PGAM5: variants seen among roughly 807,000 people sequenced by gnomAD.
The protein encoded by PGAM5 is serine/threonine-protein phosphatase PGAM5, mitochondrial.
A neutral mutation model predicts 30.6 loss-of-function variants in PGAM5; 25 were observed. The ratio of observed to expected loss-of-function variants is 0.82; its 90% CI spans 0.60 to 1.14. The LOEUF (loss-of-function observed/expected upper bound fraction) is 1.14. Among genes scored for constraint, PGAM5 ranks in the 50% most tolerant of loss-of-function variants. The probability of loss-of-function intolerance (pLI) is 0.00; values close to 1 mark genes in which losing one functional copy is unlikely to be tolerated. For missense variants in PGAM5, 384 were observed against 408.5 expected, an observed-to-expected ratio of 0.94 and a Z score of 0.52; for synonymous variants, 201 against 179.1, an observed-to-expected ratio of 1.12 and a Z score of -0.98.
At position 132,718,263 on chromosome 12, in the gene PGAM5, G is replaced by A. The variant is rs559455164; in HGVS notation, c.719+143G>A. 49 of 1,080,696 alleles carry A rather than the reference G, an allele frequency of 4.5e-5. No individual in the cohort carries two copies. The South Asian group carries it at 5.2e-4, about 12-fold the overall frequency. 66.9% of individuals were successfully genotyped at this position (1,080,696 alleles called of 1,614,324 possible). ...CAGCCCCCGGGCGTCCACTTCCCGC[G>A]AGTCCTAGTCAGTTACGCGGTAGGT... is the stretch of plus-strand genomic sequence containing the variant. On this transcript the variant is annotated intron_variant, in intron 5 of 5. Transcript: ENST00000498926.
At position 132,721,823 on chromosome 12, in the gene PGAM5, G is replaced by A. The variant is rs76891258; in HGVS notation, c.*995G>A. 8,797 of 152,194 alleles carry A rather than the reference G, an allele frequency of 0.058. 341 individuals carry two copies. Among genetic ancestry groups the A allele is most frequent in the East Asian group, 0.11 (560 of 5,160 alleles). 9.4% of individuals were successfully genotyped at this position (152,194 alleles called of 1,614,324 possible). On this transcript the variant is annotated 3_prime_UTR_variant, in exon 6 of 6. Coordinates refer to ENST00000498926, the MANE Select transcript of PGAM5 (RefSeq NM_001170543.2). ...ATATAGAATTGTTCAGGCTGGTCTC[G>A]AACTCCCAACCTCAGGTGATTCACC...
At position 132,720,911 on chromosome 12, in the gene PGAM5, A is replaced by G; in HGVS notation, c.*83A>G. 1.4e-6 allele frequency: 2 copies of G among 1,434,118 alleles called. No individual in the cohort carries two copies. The highest frequency in any genetic ancestry group is 1.8e-6 in the Non-Finnish European group (2 of 1,082,006). The allele number at this position is 1,434,118 out of a possible 1,614,324, so 88.8% of individuals were successfully genotyped here. ...TTTGTTCCCAAGGAGACCGGCGGAAAGTAGAAACCTGCAATGCTGCATCTG... is the reference window on the plus strand; with the variant it reads ...TTTGTTCCCAAGGAGACCGGCGGAAGGTAGAAACCTGCAATGCTGCATCTG... On this transcript the variant is annotated 3_prime_UTR_variant, in exon 6 of 6. Transcript: ENST00000498926.
intron 3 of PGAM5, 65 bp from the exon 4 acceptor site, chr12:132,717,641 CACCG>C (rs1260867308): frequency 1.3e-6 from 2 of 1,590,074 alleles, no homozygotes; most frequent in African/African-American, 2.7e-5. Flanking sequence ...AGCTCCTGGC[CACCG>C]GGAGGTCACA....
intron 5 of PGAM5, among the ~76,000 whole-genome samples, chr12:132,720,015 T>C (rs1184903263): frequency 6.6e-6 from 1 of 151,360 alleles, no homozygotes; most frequent in Non-Finnish European, 1.5e-5. Context: ...AAGTCAGCGT[T>C]GTTCTGATCT....
At chr12:132,717,900 C>A in intron 4 of PGAM5, 87 bp from the exon 5 acceptor site, 2 of 1,599,060 alleles carry the variant, frequency 1.3e-6, no homozygotes, top group Non-Finnish European at 1.7e-6. Context: ...GTCCCACGGG[C>A]TTCCCCGGGC....
At chr12:132,713,456 A>G (rs922911574) in intron 1 of PGAM5, among the ~76,000 whole-genome samples, 1 of 152,022 alleles carries the variant, frequency 6.6e-6, no homozygotes, top group East Asian at 1.9e-4. Flanking sequence ...CTCTGTGCCT[A>G]TAGCTCCCAA....
chr12:132,712,061 C>T (rs2043528021), intron 1 of PGAM5, among the ~76,000 whole-genome samples: 1 of 152,102 alleles, frequency 6.6e-6, no homozygotes, highest in South Asian at 2.1e-4. Context: ...GCGTTAGGTA[C>T]TTTATATTAG....
chr12:132,717,667 G>T (rs375535548), intron 3 of PGAM5, 43 bp from the exon 4 acceptor site: 53 of 1,566,750 alleles, frequency 3.4e-5, no homozygotes, highest in Non-Finnish European at 4.4e-5. Context: ...CATCTCCGCC[G>T]GCGGGGCCGC....
chr12:132,717,408 G>A, intron 2 of PGAM5, 31 bp from the exon 3 acceptor site: 1 of 1,600,136 alleles, frequency 6.2e-7, no homozygotes, highest in Non-Finnish European at 8.5e-7. Flanking sequence ...GGGGGTGCAG[G>A]TGCGGCACTC....
chr12:132,718,093 C>T lies in PGAM5; in HGVS notation c.692C>T (p.Ala231Val). 2 of 1,612,758 alleles carry T rather than the reference C, an allele frequency of 1.2e-6. No individual in the cohort carries two copies. Among genetic ancestry groups the T allele is most frequent in the East Asian group, 2.2e-5 (1 of 44,810 alleles). The change falls in exon 5 of 6, where the codon GCC (alanine) becomes GTC (valine). Residue 231 changes from alanine (A) to valine (V), a missense_variant. Transcript: ENST00000498926. Reference protein sequence around the residue: ...EDSYEIFICHANVIRYIVCRA... With the variant: ...EDSYEIFICHVNVIRYIVCRA... ...AGTTACGAGATCTTCATCTGTCACG[C>T]CAACGTCATCCGCTACATCGTGTGC... is the stretch of plus-strand genomic sequence containing the variant.
intron 1 of PGAM5, among the ~76,000 whole-genome samples, chr12:132,711,884 G>C (rs1163575718): frequency 6.6e-6 from 1 of 152,142 alleles, no homozygotes; most frequent in East Asian, 1.9e-4. Flanking sequence ...AAATTCACCT[G>C]TTTCTTTTTA....
chr12:132,719,390 C>G (rs1033499580), intron 5 of PGAM5, among the ~76,000 whole-genome samples: 1 of 152,258 alleles, frequency 6.6e-6, no homozygotes, highest in African/African-American at 2.4e-5. Context: ...CCCAGAAAGT[C>G]GAGGATGTAC....
chr12:132,711,188 T>A, intron 1 of PGAM5, 121 bp downstream of exon 1: 2 of 787,054 alleles, frequency 2.5e-6, no homozygotes, highest in Non-Finnish European at 3.3e-6. Context: ...GGTCGCCGTC[T>A]GCTTTCCCCA....
intron 5 of PGAM5, among the ~76,000 whole-genome samples, chr12:132,720,088 G>A (rs1397260829): frequency 1.9e-5 from 1 of 52,854 alleles, no homozygotes; most frequent in African/African-American, 5.1e-5. Context: ...AAGTGTGATG[G>A]CTCCATTCAT....
At position 132,720,945 on chromosome 12, in the gene PGAM5, C is replaced by A. The variant is rs2043639070; in HGVS notation, c.*117C>A. On this transcript the variant is annotated 3_prime_UTR_variant, in exon 6 of 6. Coordinates refer to ENST00000498926, the MANE Select transcript of PGAM5 (RefSeq NM_001170543.2). ...CTGCAATGCTGCATCTGGGAACTGACTTGTGACCAGGCTGAGAAGGGGAGA... is the reference window on the plus strand; with the variant it reads ...CTGCAATGCTGCATCTGGGAACTGAATTGTGACCAGGCTGAGAAGGGGAGA... 1.6e-6 allele frequency: 2 copies of A among 1,278,848 alleles called. No homozygotes were observed. Among genetic ancestry groups the A allele is most frequent in the Admixed American group, 2.6e-5 (1 of 39,028 alleles). The allele number at this position is 1,278,848 out of a possible 1,614,324, so 79.2% of individuals were successfully genotyped here. A position where few individuals can be genotyped will look rare whatever the true frequency, so the allele number is the denominator to read the frequency against.
chr12:132,716,803 C>T (rs1441079253), intron 2 of PGAM5, among the ~76,000 whole-genome samples: 1 of 152,230 alleles, frequency 6.6e-6, no homozygotes, highest in Non-Finnish European at 1.5e-5. Flanking sequence ...ATGTGCAGGG[C>T]TGTCCTCCAC....
chr12:132,716,509 G>A (rs1319128649), intron 2 of PGAM5, among the ~76,000 whole-genome samples: 1 of 152,090 alleles, frequency 6.6e-6, no homozygotes, highest in Non-Finnish European at 1.5e-5. Context: ...GGTGACAGGT[G>A]TGAGCCACCG....
chr12:132,719,155 A>C, intron 5 of PGAM5: 2 of 1,257,176 alleles, frequency 1.6e-6, no homozygotes, highest in African/African-American at 1.5e-5. Flanking sequence ...ACTAAATGCA[A>C]ATTTGAAACA....
At chr12:132,717,963 G>A (rs2136085361) in intron 4 of PGAM5, 24 bp from the exon 5 acceptor site, 1 of 1,612,422 alleles carries the variant, frequency 6.2e-7, no homozygotes, top group Non-Finnish European at 8.5e-7. Context: ...CTTCCGCACT[G>A]ACGGCTCCTC....
Sources: allele counts gnomAD v4.1 joint callset (sites outside exome capture counted in the v4.1 genomes callset), GRCh38; gene constraint gnomAD v4.1.1; transcripts MANE v1.5; gene names NCBI Gene and HGNC (gene_info 2026-07-23, HGNC 2026-07-21).